Variants in CRACR2A observed in about 807,000 individuals in gnomAD.
CRACR2A encodes calcium release activated channel regulator 2A, also known as EF-hand calcium-binding domain-containing protein 4B.
A neutral mutation model predicts 90.5 loss-of-function variants in CRACR2A; 79 were observed. That is an observed-to-expected ratio of 0.87 (90% CI 0.73 to 1.05). The LOEUF (loss-of-function observed/expected upper bound fraction) is 1.05. Among genes scored for constraint, CRACR2A ranks in the 50% least tolerant of loss-of-function variants. The pLI is 0.00. For missense variants in CRACR2A, 823 were observed against 897.2 expected, an observed-to-expected ratio of 0.92 and a Z score of 1.06; for synonymous variants, 338 against 356.7, an observed-to-expected ratio of 0.95 and a Z score of 0.59.
chr12:3,615,821 A>G (rs1036954388), intron 19 of CRACR2A, among the ~76,000 whole-genome samples: 1 of 152,178 alleles, frequency 6.6e-6, no homozygotes, highest in African/African-American at 2.4e-5. Context: ...TGGGACTGAG[A>G]CTTATCTTTT....
chr12:3,666,288 G>C (rs560662130), intron 7 of CRACR2A, among the ~76,000 whole-genome samples: 4 of 151,600 alleles, frequency 2.6e-5, no homozygotes, highest in Admixed American at 6.6e-5. Context: ...CTTCACCCAA[G>C]ATATCTGGTT....
intron 4 of CRACR2A, among the ~76,000 whole-genome samples, chr12:3,683,322 C>T (rs1377296421): frequency 6.6e-6 from 1 of 152,190 alleles, no homozygotes; most frequent in African/African-American, 2.4e-5. Context: ...ACCAGCACCA[C>T]CAAAATCAGA....
At chr12:3,701,762 A>G (rs927209200) in intron 3 of CRACR2A, among the ~76,000 whole-genome samples, 2 of 152,162 alleles carry the variant, frequency 1.3e-5, no homozygotes, top group Non-Finnish European at 2.9e-5. Flanking sequence ...AGTAATACCA[A>G]TTCTATACCG....
At chr12:3,708,188 G>C (rs1003626545) in intron 3 of CRACR2A, among the ~76,000 whole-genome samples, 1 of 152,172 alleles carries the variant, frequency 6.6e-6, no homozygotes, top group Non-Finnish European at 1.5e-5. Flanking sequence ...GAAGTGCCTG[G>C]AAGTTTCCCC....
intron 2 of CRACR2A, among the ~76,000 whole-genome samples, chr12:3,719,188 A>C (rs1049018728): frequency 2.0e-5 from 3 of 152,206 alleles, no homozygotes; most frequent in African/African-American, 2.4e-5. Context: ...TCTCAAACCC[A>C]TGCTCTTTCT....
At chr12:3,733,892 CACA>C (rs1476226394) in intron 1 of CRACR2A, among the ~76,000 whole-genome samples, 2 of 151,510 alleles carry the variant, frequency 1.3e-5, no homozygotes, top group Admixed American at 1.3e-4. Context: ...CACACACACA[CACA>C]CACACACACA....
chr12:3,687,178 T>A lies in CRACR2A; in HGVS notation c.229-6829A>T, dbSNP rs1286715152. Among the ~76,000 whole-genome samples, 3 of 149,804 alleles carry A rather than the reference T, an allele frequency of 2.0e-5. No homozygotes were observed. In the East Asian group the frequency reaches 5.8e-4, roughly 29 times the overall value. ...CTGGAGGAGGGGCTTGCTCCTCTCA[T>A]CCCATTTTCTTTTTTTTTTTTTTTA... is the stretch of plus-strand genomic sequence containing the variant. On this transcript the variant is annotated intron_variant, in intron 4 of 19. Coordinates refer to ENST00000440314, the MANE Select transcript of CRACR2A (RefSeq NM_001144958.2).
intron 2 of CRACR2A, among the ~76,000 whole-genome samples, chr12:3,716,399 T>C (rs1359462926): frequency 6.6e-6 from 1 of 152,266 alleles, no homozygotes; most frequent in Non-Finnish European, 1.5e-5. Flanking sequence ...TGCTCTTGTC[T>C]GCAGCTGATC....
intron 10 of CRACR2A, among the ~76,000 whole-genome samples, chr12:3,649,393 C>T (rs1285043982): frequency 2.0e-5 from 3 of 152,170 alleles, no homozygotes; most frequent in African/African-American, 7.2e-5. Flanking sequence ...CCCTCCCATT[C>T]TCACCCCACC....
intron 2 of CRACR2A, among the ~76,000 whole-genome samples, chr12:3,721,906 G>T (rs1318880693): frequency 6.6e-6 from 1 of 152,184 alleles, no homozygotes; most frequent in Non-Finnish European, 1.5e-5. Flanking sequence ...AAAAATGTGA[G>T]TAGGGAACAG....
intron 2 of CRACR2A, chr12:3,731,001 AAC>A (rs1946352124): frequency 6.6e-6 from 1 of 152,246 alleles, no homozygotes; most frequent in Non-Finnish European, 1.5e-5. Flanking sequence ...ACAGGCTACG[AAC>A]AGCCTGCAGG....
rs562652793 is a variant in CRACR2A, at chr12:3,638,286, G to A, written c.1440C>T (p.Pro480=). ...GCTCAAAGCCACCATCCAGGAGCTG[G>A]GGCAGGGGGTCTTCTTCAACGGAGA... is the stretch of plus-strand genomic sequence containing the variant. ...RIISVEEDPL[P]QLLDGGFEQP... Residue 480 remains proline (P), a synonymous_variant, in exon 14 of 20, where the codon CCC becomes CCT. Transcript: ENST00000440314. 1.5e-4 allele frequency: 226 copies of A among 1,551,658 alleles called. 1 individual carries two copies. In the South Asian group the frequency reaches 1.5e-3, roughly 11 times the overall value.
At chr12:3,672,903 G>A (rs1945273422) in intron 7 of CRACR2A, 1 of 633,592 alleles carries the variant, frequency 1.6e-6, no homozygotes, top group African/African-American at 2.0e-5. Context: ...CAGGAGGAGG[G>A]ACATTCAGCA....
At chr12:3,716,500 G>A (rs904969590) in intron 2 of CRACR2A, among the ~76,000 whole-genome samples, 1 of 152,206 alleles carries the variant, frequency 6.6e-6, no homozygotes, top group African/African-American at 2.4e-5. Flanking sequence ...CAGTTGAGAT[G>A]TCTATGGTGT....
intron 15 of CRACR2A, among the ~76,000 whole-genome samples, chr12:3,630,254 C>A (rs952366465): frequency 3.0e-4 from 46 of 152,124 alleles, no homozygotes; most frequent in African/African-American, 1.1e-3. Context: ...AAGTCAGGAG[C>A]CTCCTGGCAC....
chr12:3,632,440 C>T (rs1413802202), intron 15 of CRACR2A, among the ~76,000 whole-genome samples: 2 of 152,192 alleles, frequency 1.3e-5, no homozygotes, highest in Non-Finnish European at 2.9e-5. Flanking sequence ...GGTCACACAG[C>T]TTGTCAGTGG....
chr12:3,642,608 T>G (rs1237155298), intron 12 of CRACR2A, among the ~76,000 whole-genome samples: 2 of 152,236 alleles, frequency 1.3e-5, no homozygotes, highest in Non-Finnish European at 2.9e-5. Flanking sequence ...TTTTTATTTC[T>G]AAAGCCTCAG....
chr12:3,673,315 G>A, intron 7 of CRACR2A, 131 bp downstream of exon 7: 5 of 1,101,904 alleles, frequency 4.5e-6, no homozygotes, highest in Admixed American at 4.7e-5. Flanking sequence ...CACAGGGCCT[G>A]GTCCCCACTT....
intron 19 of CRACR2A, 141 bp downstream of exon 19, chr12:3,616,813 G>A (rs1867692647): frequency 3.2e-6 from 2 of 633,530 alleles, no homozygotes; most frequent in Non-Finnish European, 5.6e-6. Flanking sequence ...GGACCCCGTT[G>A]CCTATACTCA....
Sources: allele counts gnomAD v4.1 joint callset (sites outside exome capture counted in the v4.1 genomes callset), GRCh38; gene constraint gnomAD v4.1.1; transcripts MANE v1.5; gene names NCBI Gene and HGNC (gene_info 2026-07-23, HGNC 2026-07-21).